MAF: variants seen among roughly 807,000 people sequenced by gnomAD.
MAF encodes the protein MAF bZIP transcription factor.
MAF carries 10 observed loss-of-function variants against 22.0 expected under a neutral mutation model. The observed-to-expected ratio is 0.45, with a 90% CI of 0.28 to 0.77. The LOEUF (loss-of-function observed/expected upper bound fraction) is 0.77. Among genes scored for constraint, MAF ranks in the 30% least tolerant of loss-of-function variants. The pLI is 0.12. For synonymous variants in MAF, 337 were observed against 255.8 expected, an observed-to-expected ratio of 1.32 and a Z score of -3.03; for missense variants, 544 against 548.4, an observed-to-expected ratio of 0.99 and a Z score of 0.08.
chr16:79,424,741 C>T, the MAF span, among the ~76,000 whole-genome samples: 1 of 152,150 alleles, frequency 6.6e-6, no homozygotes, highest in Admixed American at 6.5e-5. Flanking sequence ...AATCCTGCTG[C>T]ATAACCAACT....
chr16:79,214,799 C>A, the MAF span, among the ~76,000 whole-genome samples: 2 of 148,790 alleles, frequency 1.3e-5, no homozygotes, highest in African/African-American at 5.0e-5. Flanking sequence ...TGCAACCTCC[C>A]TCCCCGGTTC....
At chr16:79,227,819 T>C in the MAF span, among the ~76,000 whole-genome samples, 1 of 152,054 alleles carries the variant, frequency 6.6e-6, no homozygotes. Context: ...ACTTAAAAAA[T>C]ATCAGCAATG....
chr16:79,569,413 G>A, the MAF span, among the ~76,000 whole-genome samples: 1 of 152,140 alleles, frequency 6.6e-6, no homozygotes, highest in South Asian at 2.1e-4. Flanking sequence ...AGCTGGGGAT[G>A]GGATGTGGTC....
chr16:79,523,217 T>A, the MAF span, among the ~76,000 whole-genome samples: 3 of 152,212 alleles, frequency 2.0e-5, no homozygotes, highest in Non-Finnish European at 4.4e-5. Flanking sequence ...GTTTGACTCA[T>A]CTTCTAGCCA....
chr16:79,527,294 G>C, the MAF span, among the ~76,000 whole-genome samples: 1 of 152,122 alleles, frequency 6.6e-6, no homozygotes, highest in Admixed American at 6.5e-5. Context: ...TCCAAATATA[G>C]CTCTAAGCTT....
At chr16:79,456,857 A>G in the MAF span, among the ~76,000 whole-genome samples, 2 of 152,160 alleles carry the variant, frequency 1.3e-5, no homozygotes, top group Non-Finnish European at 2.9e-5. Flanking sequence ...CCCTATTTAT[A>G]TGCAAACACA....
At chr16:79,290,104 A>G in the MAF span, among the ~76,000 whole-genome samples, 1 of 151,738 alleles carries the variant, frequency 6.6e-6, no homozygotes, top group African/African-American at 2.4e-5. Context: ...TGATCCACCC[A>G]CCTCGGCCTC....
chr16:79,523,329 G>A, the MAF span, among the ~76,000 whole-genome samples: 1 of 152,204 alleles, frequency 6.6e-6, no homozygotes, highest in African/African-American at 2.4e-5. Context: ...CCACTGAAGG[G>A]AGGGAGACTA....
At chr16:79,209,025 G>A in the MAF span, among the ~76,000 whole-genome samples, 6 of 152,072 alleles carry the variant, frequency 3.9e-5, no homozygotes, top group Admixed American at 1.3e-4. Flanking sequence ...CTTTGCTTTC[G>A]GGTGCCCCTC....
the MAF span, among the ~76,000 whole-genome samples, chr16:79,320,022 C>G: frequency 6.6e-6 from 1 of 152,056 alleles, no homozygotes; most frequent in African/African-American, 2.4e-5. Flanking sequence ...CATGGGTTAG[C>G]CCAGGAGTAT....
At chr16:79,476,879 G>C in the MAF span, among the ~76,000 whole-genome samples, 1 of 152,138 alleles carries the variant, frequency 6.6e-6, no homozygotes, top group East Asian at 1.9e-4. Context: ...GTCATTTCCT[G>C]CGGGAGCTCC....
chr16:79,460,979 G>A, the MAF span, among the ~76,000 whole-genome samples: 2 of 152,212 alleles, frequency 1.3e-5, no homozygotes, highest in African/African-American at 4.8e-5. Flanking sequence ...CTCCCTGGCT[G>A]CCTTCTACTG....
chr16:79,514,516 T>C, the MAF span, among the ~76,000 whole-genome samples: 2 of 152,204 alleles, frequency 1.3e-5, no homozygotes, highest in African/African-American at 4.8e-5. Context: ...TGTATCAGCT[T>C]ATGACCCAGA....
the MAF span, among the ~76,000 whole-genome samples, chr16:79,210,087 A>C: frequency 6.6e-6 from 1 of 152,156 alleles, no homozygotes; most frequent in African/African-American, 2.4e-5. Flanking sequence ...CAGTATCATC[A>C]AGCAGCCAGT....
In MAF at chr16:79,599,239, C is replaced by A; in HGVS notation, c.664G>T (p.Ala222Ser). The A allele has an allele frequency of 1.0e-6, 1 of 978,408 alleles. No homozygotes were observed. The highest frequency in any genetic ancestry group is 1.8e-5 in the African/African-American group (1 of 56,476). 60.6% of individuals were successfully genotyped at this position (978,408 alleles called of 1,614,324 possible). A position where few individuals can be genotyped will look rare whatever the true frequency, so the allele number is the denominator to read the frequency against. Residue 222 changes from alanine (A) to serine (S), a missense_variant, in exon 1 of 2, where the codon GCC becomes TCC. Physicochemically the swap from Ala to Ser is moderately conservative, Grantham distance 99. Around this residue, in one of 5 missense-constraint regions of MAF, gnomAD observed 342 missense variants for 315.5 expected, o/e 1.08. Coordinates refer to ENST00000326043, the MANE Select transcript of MAF (RefSeq NM_005360.5). Reference protein sequence around the residue: ...GAGGAGGGGPASAGGGGGGGG... With the variant: ...GAGGAGGGGPSSAGGGGGGGG... ...CCGCCGCCGCCGCCCCCAGCGCTGG[C>A]CGGGCCACCGCCGCCCGCGCCCCCA...
At chr16:79,570,164 T>C in the MAF span, among the ~76,000 whole-genome samples, 3 of 152,144 alleles carry the variant, frequency 2.0e-5, no homozygotes, top group Admixed American at 1.3e-4. Flanking sequence ...GTTGGACATA[T>C]CTGCAAGGTA....
the MAF span, among the ~76,000 whole-genome samples, chr16:79,390,420 A>G: frequency 6.6e-5 from 10 of 152,228 alleles, no homozygotes; most frequent in South Asian, 1.9e-3. Flanking sequence ...ATGAAATGCC[A>G]CCTTTGGTTA....
the MAF span, among the ~76,000 whole-genome samples, chr16:79,549,859 C>T: frequency 3.9e-4 from 60 of 152,168 alleles, 1 homozygote; most frequent in South Asian, 0.012. Flanking sequence ...GTGATCATTC[C>T]GTAAATAAAG....
the MAF span, among the ~76,000 whole-genome samples, chr16:79,450,001 A>G: frequency 6.6e-6 from 1 of 152,234 alleles, no homozygotes. Context: ...GACGCCGCTA[A>G]AACAATTGCT....
Sources: allele counts gnomAD v4.1 joint callset (sites outside exome capture counted in the v4.1 genomes callset), GRCh38; gene constraint gnomAD v4.1.1; regional missense constraint gnomAD v4.1.1; transcripts MANE v1.5; gene names NCBI Gene and HGNC (gene_info 2026-07-23, HGNC 2026-07-21).